The following FTH1 variants were observed in gnomAD, a reference collection of about 807,000 sequenced individuals.
FTH1 encodes ferritin heavy chain 1, also known as ferritin heavy chain.
A neutral mutation model predicts 21.8 loss-of-function variants in FTH1; 3 were observed. The observed-to-expected ratio is 0.14, with a 90% confidence interval of 0.06 to 0.36. The LOEUF (loss-of-function observed/expected upper bound fraction) is 0.36. FTH1 is among the 10% of genes least tolerant of loss of function. FTH1 has a pLI of 1.00. For missense variants in FTH1, 147 were observed against 225.8 expected, an observed-to-expected ratio of 0.65 and a Z score of 2.24; for synonymous variants, 83 against 90.1, an observed-to-expected ratio of 0.92 and a Z score of 0.45.
In FTH1 at chr11:61,967,067, AAAG is replaced by A. The variant is rs1399826928; in HGVS notation, c.114+242_114+244del. On this transcript the variant is annotated intron_variant, in intron 1 of 3. Coordinates refer to ENST00000273550, the MANE Select transcript of FTH1 (RefSeq NM_002032.3). ...TTCAGGACACCAAGGTCTCCTTAAA[AAAG>A]AAGGGTGTGCAGAGGCGGCCCTGGC... 4.1e-5 allele frequency: 13 copies of A among 318,538 alleles called. No homozygotes were observed. In the Middle Eastern group the frequency reaches 2.6e-3, roughly 64 times the overall value. 19.7% of individuals were successfully genotyped at this position (318,538 alleles called of 1,614,324 possible).
At chr11:61,965,233 G>T in intron 2 of FTH1, 121 bp from the exon 3 acceptor site, 1 of 1,591,436 alleles carries the variant, frequency 6.3e-7, no homozygotes, top group Non-Finnish European at 8.6e-7. Context: ...AGTTTAGATG[G>T]TAAGCCTAAA....
Position 61,964,366 on chromosome 11 carries a change from T to C in FTH1, c.*361A>G. On this transcript the variant is annotated 3_prime_UTR_variant, in exon 4 of 4. Coordinates refer to ENST00000273550, the MANE Select transcript of FTH1 (RefSeq NM_002032.3). ...GAAACATTTAACTCAGACTCTGGATTCAGAGTCGGGAACCCTTAGTTCTAT... is the reference window on the plus strand; with the variant it reads ...GAAACATTTAACTCAGACTCTGGATCCAGAGTCGGGAACCCTTAGTTCTAT... The C allele has an allele frequency of 5.1e-6, 4 of 777,246 alleles. No homozygotes were observed. Among genetic ancestry groups the C allele is most frequent in the Non-Finnish European group, 8.0e-6 (4 of 499,294 alleles). 48.1% of individuals were successfully genotyped at this position (777,246 alleles called of 1,614,324 possible).
At chr11:61,965,255 G>A in intron 2 of FTH1, 114 bp downstream of exon 2, 1 of 1,593,526 alleles carries the variant, frequency 6.3e-7, no homozygotes, top group Non-Finnish European at 8.6e-7. Flanking sequence ...AAGCACAAAA[G>A]GCAAAAGCCC....
chr11:61,965,547 G>A (rs762576690), intron 1 of FTH1, 32 bp from the exon 2 acceptor site: 1 of 1,598,818 alleles, frequency 6.3e-7, no homozygotes, highest in East Asian at 2.2e-5. Context: ...TGTTATACTA[G>A]GGATCCCCAG....
intron 2 of FTH1, 37 bp from the exon 3 acceptor site, chr11:61,965,149 A>G: frequency 3.1e-6 from 5 of 1,602,378 alleles, no homozygotes; most frequent in Non-Finnish European, 4.2e-6. Flanking sequence ...CTACCAACTA[A>G]CCTAGAAGTC....
chr11:61,964,925 G>C (rs551153413), intron 3 of FTH1, 34 bp from the exon 4 acceptor site: 2 of 1,613,538 alleles, frequency 1.2e-6, no homozygotes, highest in African/African-American at 2.7e-5. Flanking sequence ...TTAGTGGGCA[G>C]CTTTCCCAAT....
chr11:61,964,924 A>G (rs1436568441), intron 3 of FTH1, 33 bp from the exon 4 acceptor site: 1 of 1,613,574 alleles, frequency 6.2e-7, no homozygotes. Context: ...GTTAGTGGGC[A>G]GCTTTCCCAA....
Position 61,965,131 on chromosome 11 carries a change from A to G in FTH1, c.262-19T>C, listed in dbSNP as rs764878960. 50 of 1,602,860 alleles carry G rather than the reference A, an allele frequency of 3.1e-5. No homozygotes were observed. The East Asian group carries it at 3.3e-4, about 11-fold the overall frequency. ...CTGGTTTCTGAATGAGAATAGGTTA[A>G]TGCATCTCTACCAACTAACCTAGAA... On this transcript the variant is annotated intron_variant, in intron 2 of 3. Transcript: ENST00000273550.
chr11:61,967,532 G>A lies in FTH1; in HGVS notation c.-107C>T. 1.2e-6 allele frequency: 1 copy of A among 806,156 alleles called. No homozygotes were observed. The highest frequency in any genetic ancestry group is 2.1e-6 in the Non-Finnish European group (1 of 484,808). 49.9% of individuals were successfully genotyped at this position (806,156 alleles called of 1,614,324 possible). A position where few individuals can be genotyped will look rare whatever the true frequency, so the allele number is the denominator to read the frequency against. On this transcript the variant is annotated 5_prime_UTR_variant, in exon 1 of 4. Coordinates refer to ENST00000273550, the MANE Select transcript of FTH1 (RefSeq NM_002032.3). ...GGGTGCGGTGAAGAGGTGACGGAGG[G>A]CTGGCTATGGGCGGCCGGCCGGGGT...
chr11:61,965,217 T>C, intron 2 of FTH1, 105 bp from the exon 3 acceptor site: 1 of 1,591,334 alleles, frequency 6.3e-7, no homozygotes, highest in Non-Finnish European at 8.6e-7. Flanking sequence ...ACTATTTGCC[T>C]AATTTAGTTT....
At chr11:61,967,076 T>G in intron 1 of FTH1, 1 of 338,590 alleles carries the variant, frequency 3.0e-6, no homozygotes, top group South Asian at 7.2e-5. Context: ...AAAAGAAGGG[T>G]GTGCAGAGGC....
intron 1 of FTH1, among the ~76,000 whole-genome samples, chr11:61,966,703 C>A (rs1474957517): frequency 6.6e-6 from 1 of 152,206 alleles, no homozygotes; most frequent in African/African-American, 2.4e-5. Flanking sequence ...GGCGCAAGGT[C>A]AGGTGACACT....
chr11:61,966,622 G>C (rs1591322437), intron 1 of FTH1, among the ~76,000 whole-genome samples: 1 of 152,214 alleles, frequency 6.6e-6, no homozygotes, highest in East Asian at 1.9e-4. Context: ...CCAAGAACTG[G>C]GGGTTCAATT....
At position 61,964,311 on chromosome 11, in the gene FTH1, A is replaced by G; in HGVS notation, c.*416T>C. ...TCAGCCTTTAATGCCTTTTATTCAT[A>G]AAAACTGTGAAAGCTAGACTGAACC... On this transcript the variant is annotated 3_prime_UTR_variant, in exon 4 of 4. Transcript: ENST00000273550. 1.8e-6 allele frequency: 2 copies of G among 1,115,620 alleles called. No homozygotes were observed. The highest frequency in any genetic ancestry group is 2.5e-6 in the Non-Finnish European group (2 of 798,244). The allele number at this position is 1,115,620 out of a possible 1,614,324, so 69.1% of individuals were successfully genotyped here.
Position 61,967,435 on chromosome 11 carries a change from T to C in FTH1, c.-10A>G, listed in dbSNP as rs1308574386. The stretch of plus-strand genomic sequence containing the variant: ...TGGACGCGGTCGTCATGGCGGCGAC[T>C]AAGGAGAGGCGGCGGCGGCGGCGGT... On this transcript the variant is annotated 5_prime_UTR_variant, in exon 1 of 4. Coordinates refer to ENST00000273550, the MANE Select transcript of FTH1 (RefSeq NM_002032.3). The C allele has an allele frequency of 6.3e-7, 1 of 1,582,808 alleles. No homozygotes were observed. The highest frequency in any genetic ancestry group is 8.6e-7 in the Non-Finnish European group (1 of 1,163,768).
In FTH1 at chr11:61,964,349, T is replaced by A; in HGVS notation, c.*378A>T. 3.5e-6 allele frequency: 3 copies of A among 859,582 alleles called. No individual in the cohort carries two copies. Among genetic ancestry groups the A allele is most frequent in the Non-Finnish European group, 5.2e-6 (3 of 573,396 alleles). 53.2% of individuals were successfully genotyped at this position (859,582 alleles called of 1,614,324 possible). On this transcript the variant is annotated 3_prime_UTR_variant, in exon 4 of 4. Coordinates refer to ENST00000273550, the MANE Select transcript of FTH1 (RefSeq NM_002032.3). ...GCTAGACTGAACCATTGGAAACATT[T>A]AACTCAGACTCTGGATTCAGAGTCG...
At chr11:61,965,671 G>A (rs1041046066) in intron 1 of FTH1, 156 bp from the exon 2 acceptor site, 6 of 768,494 alleles carry the variant, frequency 7.8e-6, no homozygotes, top group Non-Finnish European at 1.1e-5. Flanking sequence ...GGGGGCAGAT[G>A]AGCTACTGGA....
In FTH1 at chr11:61,965,438, C is replaced by T. The variant is rs1942431076; in HGVS notation, c.192G>A (p.Arg64=). The change falls in exon 2 of 4, where the codon AGG becomes AGA. Residue 64 remains arginine (R), a synonymous_variant. Transcript: ENST00000273550. ...KYFLHQSHEE[R]EHAEKLMKLQ... ...GCTTCATCAGTTTCTCAGCATGTTC[C>T]CTCTCCTCATGAGATTGGTGAAGAA... The T allele has an allele frequency of 1.2e-6, 2 of 1,612,970 alleles. No individual in the cohort carries two copies. Among genetic ancestry groups the T allele is most frequent in the South Asian group, 2.2e-5 (2 of 91,080 alleles).
intron 1 of FTH1, 82 bp downstream of exon 1, chr11:61,967,229 TG>T: frequency 4.3e-6 from 3 of 693,360 alleles, no homozygotes; most frequent in Non-Finnish European, 6.6e-6. Context: ...AGCCCGCGGG[TG>T]GCCACACCCC....
Sources: allele counts gnomAD v4.1 joint callset (sites outside exome capture counted in the v4.1 genomes callset), GRCh38; gene constraint gnomAD v4.1.1; transcripts MANE v1.5; gene names NCBI Gene and HGNC (gene_info 2026-07-23, HGNC 2026-07-21).